Variants in GRIN3A observed in about 807,000 individuals in gnomAD.
The protein encoded by GRIN3A is glutamate ionotropic receptor NMDA type subunit 3A, also known as glutamate receptor ionotropic, NMDA 3A.
Under a neutral mutation model 92.4 loss-of-function variants are expected in GRIN3A, and 47 were observed. The observed-to-expected ratio is 0.51, with a 90% CI of 0.40 to 0.65. The LOEUF is 0.65. GRIN3A is among the 30% of genes least tolerant of loss of function. The probability of loss-of-function intolerance (pLI) is 0.00; values close to 1 mark genes in which losing one functional copy is unlikely to be tolerated. For synonymous variants in GRIN3A, 527 were observed against 540.6 expected, an observed-to-expected ratio of 0.97 and a Z score of 0.35; for missense variants, 1,324 against 1,393.1, an observed-to-expected ratio of 0.95 and a Z score of 0.79.
At chr9:101,612,407 G>T (rs188936449) in intron 6 of GRIN3A, among the ~76,000 whole-genome samples, 169 of 152,230 alleles carry the variant, frequency 1.1e-3, no homozygotes, top group Non-Finnish European at 2.2e-3. Context: ...GATTTAGGAG[G>T]GAAGATCAAG....
intron 6 of GRIN3A, among the ~76,000 whole-genome samples, chr9:101,579,906 A>G (rs1423816099): frequency 6.6e-6 from 1 of 152,110 alleles, no homozygotes; most frequent in Non-Finnish European, 1.5e-5. Context: ...CACCCTTCCT[A>G]AAAAATGACC....
intron 1 of GRIN3A, among the ~76,000 whole-genome samples, chr9:101,702,687 C>T (rs2119002474): frequency 6.6e-6 from 1 of 152,292 alleles, no homozygotes; most frequent in South Asian, 2.1e-4. Flanking sequence ...ATATTGGACT[C>T]CATTCTTGAT....
At chr9:101,646,173 A>T (rs1001147108) in intron 3 of GRIN3A, among the ~76,000 whole-genome samples, 2 of 151,714 alleles carry the variant, frequency 1.3e-5, no homozygotes, top group Admixed American at 1.3e-4. Context: ...AGCATTTCCC[A>T]ATGTTTTTTT....
intron 1 of GRIN3A, among the ~76,000 whole-genome samples, chr9:101,708,318 G>C (rs977843688): frequency 6.6e-6 from 1 of 152,170 alleles, no homozygotes; most frequent in Non-Finnish European, 1.5e-5. Context: ...GTTGTCCAGT[G>C]TTGAGGAGAC....
At position 101,711,573 on chromosome 9, in the gene GRIN3A, G is replaced by C. The variant is rs188722767; in HGVS notation, c.700-24373C>G. Reference sequence around the variant, plus strand: ...CTGCAAGACTGAAGGAAGAGAAAGGGTTTGCTGCTTCTTGTCTGTCTTTTC... The same window carrying C: ...CTGCAAGACTGAAGGAAGAGAAAGGCTTTGCTGCTTCTTGTCTGTCTTTTC... On this transcript the variant is annotated intron_variant, in intron 1 of 8. Transcript: ENST00000361820. 8.9e-4 allele frequency among the ~76,000 whole-genome samples: 135 copies of C among 152,254 alleles called. No individual in the cohort carries two copies. In the South Asian group the frequency reaches 0.018, roughly 20 times the overall value.
At chr9:101,592,000 T>C (rs904443041) in intron 6 of GRIN3A, 2 of 152,260 alleles carry the variant, frequency 1.3e-5, no homozygotes, top group Non-Finnish European at 1.5e-5. Flanking sequence ...GTATAAATAA[T>C]GCCTCTCTTT....
intron 3 of GRIN3A, among the ~76,000 whole-genome samples, chr9:101,661,677 T>C (rs1384607680): frequency 6.6e-6 from 1 of 151,810 alleles, no homozygotes; most frequent in Non-Finnish European, 1.5e-5. Context: ...AGTGACTCTT[T>C]GCAATAAGTT....
chr9:101,691,974 A>C (rs1356960806), intron 1 of GRIN3A, among the ~76,000 whole-genome samples: 1 of 152,162 alleles, frequency 6.6e-6, no homozygotes, highest in Non-Finnish European at 1.5e-5. Flanking sequence ...AATTAAATGT[A>C]AGAATGTGAG....
At chr9:101,608,640 A>G (rs1253035293) in intron 6 of GRIN3A, among the ~76,000 whole-genome samples, 1 of 152,170 alleles carries the variant, frequency 6.6e-6, no homozygotes, top group Non-Finnish European at 1.5e-5. Flanking sequence ...TCAATATTTG[A>G]AAAGCACTAT....
rs183301056 is a variant in GRIN3A at position 101,619,356 on chromosome 9, G to C, written c.2614+3962C>G. 2.5e-3 allele frequency among the ~76,000 whole-genome samples: 385 copies of C among 152,228 alleles called. 2 individuals carry two copies. Among genetic ancestry groups the C allele is most frequent in the African/African-American group, 6.9e-3 (285 of 41,532 alleles). Reference sequence around the variant, plus strand: ...CCTTAGCCTCAGCATATCAAAGTGGGGAGAGAAATGTGTGGGAGAAGTTGA... The same window carrying C: ...CCTTAGCCTCAGCATATCAAAGTGGCGAGAGAAATGTGTGGGAGAAGTTGA... On this transcript the variant is annotated intron_variant, in intron 5 of 8. Transcript: ENST00000361820.
intron 3 of GRIN3A, among the ~76,000 whole-genome samples, chr9:101,645,722 T>C (rs1828929288): frequency 6.8e-6 from 1 of 148,086 alleles, no homozygotes; most frequent in Non-Finnish European, 1.5e-5. Context: ...TTAAATGTTA[T>C]ATATTATATG....
At chr9:101,727,642 A>C (rs1830095608) in intron 1 of GRIN3A, among the ~76,000 whole-genome samples, 1 of 152,062 alleles carries the variant, frequency 6.6e-6, no homozygotes, top group Admixed American at 6.5e-5. Flanking sequence ...AATTATAGAT[A>C]GGCTGGCAGT....
chr9:101,673,706 T>G (rs964037423), intron 2 of GRIN3A, among the ~76,000 whole-genome samples: 7 of 152,132 alleles, frequency 4.6e-5, no homozygotes, highest in African/African-American at 1.7e-4. Context: ...CCTTTACTCT[T>G]CTTGGATAAA....
At chr9:101,683,185 A>C (rs1207128037) in intron 2 of GRIN3A, among the ~76,000 whole-genome samples, 2 of 152,210 alleles carry the variant, frequency 1.3e-5, no homozygotes, top group Non-Finnish European at 2.9e-5. Context: ...TGACTTTTCT[A>C]ATCTGAAAGC....
chr9:101,572,605 G>C lies in GRIN3A; in HGVS notation c.*569C>G, dbSNP rs1409181544. 1 of 161,256 alleles carries C rather than the reference G, an allele frequency of 6.2e-6. No individual in the cohort carries two copies. The highest frequency in any genetic ancestry group is 2.4e-5 in the African/African-American group (1 of 41,490). The allele number at this position is 161,256 out of a possible 1,614,324, so 10.0% of individuals were successfully genotyped here. A position where few individuals can be genotyped will look rare whatever the true frequency, so the allele number is the denominator to read the frequency against. On this transcript the variant is annotated 3_prime_UTR_variant, in exon 9 of 9. Coordinates refer to ENST00000361820, the MANE Select transcript of GRIN3A (RefSeq NM_133445.3). ...CTTCTCAAAAACATGGCTCTTGCCT[G>C]GTCCAATCAATCCTTGACGTTTATG... is the stretch of plus-strand genomic sequence containing the variant.
intron 1 of GRIN3A, among the ~76,000 whole-genome samples, chr9:101,711,976 G>A (rs541737632): frequency 5.5e-4 from 83 of 152,262 alleles, no homozygotes; most frequent in Non-Finnish European, 9.6e-4. Context: ...GGAGCTCAAC[G>A]ATTCCATCAC....
chr9:101,707,878 G>C (rs1231638306), intron 1 of GRIN3A, among the ~76,000 whole-genome samples: 1 of 152,062 alleles, frequency 6.6e-6, no homozygotes, highest in African/African-American at 2.4e-5. Flanking sequence ...TGCTAGGGAG[G>C]GGAGTGGAAA....
intron 1 of GRIN3A, among the ~76,000 whole-genome samples, chr9:101,697,994 C>T (rs934528287): frequency 6.6e-6 from 1 of 152,114 alleles, no homozygotes; most frequent in African/African-American, 2.4e-5. Context: ...AATGCTTAAG[C>T]CACACATAAT....
Position 101,687,063 on chromosome 9 carries a change from G to A in GRIN3A, c.837C>T (p.Phe279=), listed in dbSNP as rs1446206302. ...TGGAATTATTCTGGGTAAGGAGGAG[G>A]AAGTCGGTGATGTTCCAGTCTTCCT... ...LCQEDWNITD[F]LLLTQNNSKF... The change falls in exon 2 of 9, where the codon TTC becomes TTT. Residue 279 remains phenylalanine, a synonymous_variant. Transcript: ENST00000361820. 1 of 1,614,018 alleles carries A rather than the reference G, an allele frequency of 6.2e-7. No homozygotes were observed. The highest frequency in any genetic ancestry group is 8.5e-7 in the Non-Finnish European group (1 of 1,180,018).
Sources: allele counts gnomAD v4.1 joint callset (sites outside exome capture counted in the v4.1 genomes callset), GRCh38; gene constraint gnomAD v4.1.1; transcripts MANE v1.5; gene names NCBI Gene and HGNC (gene_info 2026-07-23, HGNC 2026-07-21).